The following DLG2 variants were observed in gnomAD, a reference collection of about 807,000 sequenced individuals.
DLG2 encodes the protein disks large homolog 2.
Under a neutral mutation model 132.5 loss-of-function variants are expected in DLG2, and 45 were observed. The observed-to-expected ratio is 0.34, with a 90% CI of 0.27 to 0.44. The LOEUF is 0.44. DLG2 is among the 20% of genes least tolerant of loss of function. The probability of loss-of-function intolerance (pLI) is 1.00; values close to 1 mark genes in which losing one functional copy is unlikely to be tolerated. For synonymous variants in DLG2, 424 were observed against 419.6 expected, an observed-to-expected ratio of 1.01 and a Z score of -0.13; for missense variants, 1,045 against 1,196.9, an observed-to-expected ratio of 0.87 and a Z score of 1.87.
At chr11:84,056,051 T>C (rs1307597760) in intron 11 of DLG2, among the ~76,000 whole-genome samples, 2 of 152,098 alleles carry the variant, frequency 1.3e-5, no homozygotes, top group African/African-American at 2.4e-5. Context: ...AGATAAACTA[T>C]GCACATGTTA....
At chr11:84,572,454 A>C (rs916331463) in intron 6 of DLG2, among the ~76,000 whole-genome samples, 1 of 152,126 alleles carries the variant, frequency 6.6e-6, no homozygotes, top group African/African-American at 2.4e-5. Context: ...ACTCCTGAAG[A>C]ACAAGAGAAT....
At chr11:84,829,821 T>C (rs1324122672) in intron 6 of DLG2, among the ~76,000 whole-genome samples, 1 of 151,682 alleles carries the variant, frequency 6.6e-6, no homozygotes, top group Non-Finnish European at 1.5e-5. Flanking sequence ...AGTGATCACA[T>C]TTTCTGCAGT....
At chr11:85,520,123 C>A (rs1189584905) in intron 3 of DLG2, among the ~76,000 whole-genome samples, 3 of 151,964 alleles carry the variant, frequency 2.0e-5, no homozygotes, top group African/African-American at 4.8e-5. Context: ...CCAGCAATCA[C>A]CCCATCTCAG....
chr11:83,514,370 C>T (rs1483883468), intron 21 of DLG2, among the ~76,000 whole-genome samples: 1 of 152,118 alleles, frequency 6.6e-6, no homozygotes, highest in East Asian at 1.9e-4. Flanking sequence ...GATTTTTGTA[C>T]ATTGATTTTG....
intron 6 of DLG2, among the ~76,000 whole-genome samples, chr11:84,750,364 A>G (rs535748758): frequency 7.0e-4 from 107 of 152,298 alleles, no homozygotes; most frequent in African/African-American, 2.6e-3. Context: ...TGTATGTACA[A>G]TGAGGAAGAT....
rs398045349 is a variant in DLG2 at position 84,350,184 on chromosome 11, CAA to C, written c.520-98895_520-98894del. On this transcript the variant is annotated intron_variant, in intron 7 of 27. Coordinates refer to ENST00000376104, the MANE Select transcript of DLG2 (RefSeq NM_001142699.3). ...CAGAGAGAGACTTCGTCCCCCCCCC[CAA>C]AAAAAAAAAAAAAAAATCCAGGCTA... is the stretch of plus-strand genomic sequence containing the variant. Among the ~76,000 whole-genome samples, 446 of 102,070 alleles carry C rather than the reference CAA, an allele frequency of 4.4e-3. 2 individuals carry two copies. The highest frequency in any genetic ancestry group is 0.014 in the East Asian group (47 of 3,248). 67.0% of individuals were successfully genotyped at this position (102,070 alleles called of 152,430 possible).
In DLG2 at chr11:84,823,826, CTGAA is replaced by C. The variant is rs559472371; in HGVS notation, c.357+287831_357+287834del. ...CATAGTAGATACTCAATGATATTTGCTGAATGAATAAACCACACAAAGATACAAT... is the reference window on the plus strand; with the variant it reads ...CATAGTAGATACTCAATGATATTTGCTGAATAAACCACACAAAGATACAAT... On this transcript the variant is annotated intron_variant, in intron 6 of 27. Transcript: ENST00000376104. Among the ~76,000 whole-genome samples the C allele has an allele frequency of 1.4e-3, 219 of 151,794 alleles. 1 individual carries two copies. Among genetic ancestry groups the C allele is most frequent in the African/African-American group, 5.0e-3 (208 of 41,426 alleles).
intron 19 of DLG2, among the ~76,000 whole-genome samples, chr11:83,559,677 G>A (rs1411082105): frequency 3.3e-5 from 5 of 152,196 alleles, no homozygotes; most frequent in Admixed American, 6.5e-5. Context: ...CTATATCCAT[G>A]AGCCTATAGT....
intron 21 of DLG2, among the ~76,000 whole-genome samples, chr11:83,512,802 G>C (rs190739464): frequency 1.3e-5 from 2 of 151,816 alleles, no homozygotes; most frequent in Admixed American, 6.6e-5. Context: ...TTGTCCTTGC[G>C]ATAGTTTGCT....
chr11:84,993,762 A>T (rs2057371701), intron 6 of DLG2, among the ~76,000 whole-genome samples: 1 of 152,202 alleles, frequency 6.6e-6, no homozygotes, highest in Admixed American at 6.5e-5. Context: ...CTCACTAGCT[A>T]ATCAGGGCCA....
chr11:83,961,783 G>A (rs567517472), intron 14 of DLG2, among the ~76,000 whole-genome samples: 1 of 152,160 alleles, frequency 6.6e-6, no homozygotes, highest in South Asian at 2.1e-4. Flanking sequence ...AGAGAGCCGT[G>A]AGGATTATCT....
At chr11:85,340,506 G>A (rs1443063528) in intron 3 of DLG2, among the ~76,000 whole-genome samples, 2 of 152,166 alleles carry the variant, frequency 1.3e-5, no homozygotes, top group Non-Finnish European at 2.9e-5. Context: ...GGGGGCTGGG[G>A]GAGGGATAGC....
intron 4 of DLG2, among the ~76,000 whole-genome samples, chr11:85,209,383 T>C (rs951560893): frequency 5.3e-5 from 8 of 150,044 alleles, no homozygotes; most frequent in African/African-American, 2.0e-4. Context: ...CAGAATTGTT[T>C]ACACAATTCT....
At chr11:84,214,427 AT>A (rs1400258743) in intron 8 of DLG2, among the ~76,000 whole-genome samples, 7 of 151,352 alleles carry the variant, frequency 4.6e-5, no homozygotes, top group Admixed American at 2.6e-4. Flanking sequence ...TGTATATTCT[AT>A]ACATGTTTAT....
At chr11:83,793,199 T>C (rs1566982100) in intron 17 of DLG2, among the ~76,000 whole-genome samples, 1 of 152,190 alleles carries the variant, frequency 6.6e-6, no homozygotes, top group Non-Finnish European at 1.5e-5. Flanking sequence ...CTATTACAAA[T>C]ATTCTTAGTT....
At chr11:83,499,298 T>C (rs759442030) in intron 21 of DLG2, among the ~76,000 whole-genome samples, 1 of 152,090 alleles carries the variant, frequency 6.6e-6, no homozygotes, top group Non-Finnish European at 1.5e-5. Context: ...AATGACAAAA[T>C]AGTATTTCAA....
intron 18 of DLG2, among the ~76,000 whole-genome samples, chr11:83,764,236 G>C (rs951554433): frequency 6.6e-6 from 1 of 152,166 alleles, no homozygotes; most frequent in Admixed American, 6.5e-5. Context: ...AATCACGGTG[G>C]GAGTGATTGT....
chr11:84,596,382 T>TC (rs2099557404), intron 6 of DLG2, among the ~76,000 whole-genome samples: 1 of 149,042 alleles, frequency 6.7e-6, no homozygotes, highest in African/African-American at 2.4e-5. Flanking sequence ...TAATTTTCTT[T>TC]TTTTTTTTTT....
intron 2 of DLG2, among the ~76,000 whole-genome samples, chr11:85,610,777 C>T (rs1250455335): frequency 1.3e-5 from 2 of 152,212 alleles, no homozygotes; most frequent in Non-Finnish European, 2.9e-5. Flanking sequence ...TTAATCTTAG[C>T]CAGAGGGGCC....
Sources: gnomAD v4.1 joint callset for allele counts (sites outside exome capture counted in the v4.1 genomes callset) on GRCh38, gnomAD v4.1.1 for gene constraint, MANE v1.5 for transcripts, NCBI Gene and HGNC (gene_info 2026-07-23, HGNC 2026-07-21) for gene names.